The following NEGR1 variants were observed in gnomAD, a reference collection of about 807,000 sequenced individuals.
NEGR1 encodes neuronal growth regulator 1, also known as IgLON family member 4.
NEGR1 carries 10 observed loss-of-function variants against 40.9 expected under a neutral mutation model. The observed-to-expected ratio is 0.24, with a 90% CI of 0.15 to 0.42. NEGR1 has a LOEUF of 0.42. Among genes scored for constraint, NEGR1 ranks in the 10% least tolerant of loss-of-function variants. The probability of loss-of-function intolerance (pLI) is 1.00; values close to 1 mark genes in which losing one functional copy is unlikely to be tolerated. For synonymous variants in NEGR1, 185 were observed against 166.8 expected (o/e 1.11, Z -0.84); for missense variants, 352 against 438.9 (o/e 0.80, Z 1.77).
At chr1:72,205,399 G>T (rs1437877742) in intron 1 of NEGR1, among the ~76,000 whole-genome samples, 1 of 151,610 alleles carries the variant, frequency 6.6e-6, no homozygotes, top group Non-Finnish European at 1.5e-5. Flanking sequence ...TCTAGAGATT[G>T]CCTTGGTAAT....
chr1:71,983,506 A>T (rs1290239226), intron 1 of NEGR1, among the ~76,000 whole-genome samples: 1 of 152,210 alleles, frequency 6.6e-6, no homozygotes, highest in African/African-American at 2.4e-5. Flanking sequence ...TGTAGAGCAA[A>T]GCATAATTCA....
intron 1 of NEGR1, among the ~76,000 whole-genome samples, chr1:71,946,236 A>T (rs1033472821): frequency 1.3e-5 from 2 of 152,012 alleles, no homozygotes; most frequent in South Asian, 4.1e-4. Context: ...GCCTGGCTAA[A>T]TATTTTTATT....
intron 1 of NEGR1, among the ~76,000 whole-genome samples, chr1:72,051,528 A>T (rs1025241254): frequency 6.6e-6 from 1 of 151,520 alleles, no homozygotes; most frequent in Non-Finnish European, 1.5e-5. Flanking sequence ...ATTTTGTTGC[A>T]TCGAAAAAAA....
intron 6 of NEGR1, among the ~76,000 whole-genome samples, chr1:71,566,658 G>A (rs1570040874): frequency 6.6e-6 from 1 of 152,234 alleles, no homozygotes; most frequent in Non-Finnish European, 1.5e-5. Flanking sequence ...AATATTTTTG[G>A]CTATGCAGGC....
Position 71,991,984 on chromosome 1 carries a change from C to G in NEGR1, c.177-56673G>C, listed in dbSNP as rs182369429. 2.6e-3 allele frequency among the ~76,000 whole-genome samples: 402 copies of G among 151,926 alleles called. 1 individual carries two copies. The highest frequency in any genetic ancestry group is 9.2e-3 in the African/African-American group (383 of 41,422). The stretch of plus-strand genomic sequence containing the variant: ...TTTTTTTTTTGTATTTTAGTAGAGA[C>G]GGGTTTCACTGTGTTGCCCAGGCTG... On this transcript the variant is annotated intron_variant, in intron 1 of 6. Transcript: ENST00000357731.
chr1:72,246,374 CTG>C (rs1654904066), intron 1 of NEGR1, among the ~76,000 whole-genome samples: 1 of 152,208 alleles, frequency 6.6e-6, no homozygotes, highest in Admixed American at 6.5e-5. Context: ...CCTCTATGCA[CTG>C]TGCTCTAACA....
chr1:72,130,619 G>A (rs1161425342), intron 1 of NEGR1, among the ~76,000 whole-genome samples: 2 of 152,136 alleles, frequency 1.3e-5, no homozygotes, highest in Non-Finnish European at 2.9e-5. Flanking sequence ...CTTTTAGGGT[G>A]ACTCCAGTCA....
At chr1:71,901,454 TTTACA>T (rs1323382299) in intron 2 of NEGR1, among the ~76,000 whole-genome samples, 1 of 152,058 alleles carries the variant, frequency 6.6e-6, no homozygotes, top group African/African-American at 2.4e-5. Flanking sequence ...ATCTCTAGCT[TTTACA>T]TTACATATAG....
In NEGR1 at chr1:71,613,434, G is replaced by GTCAGGA. The variant is rs1226698904; in HGVS notation, c.668-2294_668-2289dup. Reference sequence around the variant, plus strand: ...GGCCGAGGCGGGTGGATCACCTGAGGTCAGGAGTTCGAGACCAGCCTGGCC... The same window carrying GTCAGGA: ...GGCCGAGGCGGGTGGATCACCTGAGGTCAGGATCAGGAGTTCGAGACCAGCCTGGCC... On this transcript the variant is annotated intron_variant, in intron 4 of 6. Transcript: ENST00000357731. 1.2e-4 allele frequency among the ~76,000 whole-genome samples: 19 copies of GTCAGGA among 152,046 alleles called. 1 individual carries two copies. The South Asian group carries it at 3.7e-3, about 30-fold the overall frequency.
At chr1:71,801,507 A>G (rs995012286) in intron 2 of NEGR1, among the ~76,000 whole-genome samples, 9 of 152,110 alleles carry the variant, frequency 5.9e-5, no homozygotes, top group African/African-American at 2.2e-4. Context: ...TGTTATTTCC[A>G]CTCAAACTAT....
intron 2 of NEGR1, among the ~76,000 whole-genome samples, chr1:71,875,359 T>C (rs1378118913): frequency 6.6e-6 from 1 of 152,172 alleles, no homozygotes; most frequent in Non-Finnish European, 1.5e-5. Flanking sequence ...ACAAATGTCT[T>C]AAACTAAAAC....
At chr1:71,726,320 C>T (rs1375598289) in intron 3 of NEGR1, among the ~76,000 whole-genome samples, 1 of 152,042 alleles carries the variant, frequency 6.6e-6, no homozygotes, top group African/African-American at 2.4e-5. Context: ...CTCTGTGTAT[C>T]GCACAAATAC....
chr1:71,596,063 A>G (rs928025650), intron 5 of NEGR1, among the ~76,000 whole-genome samples: 1 of 136,308 alleles, frequency 7.3e-6, no homozygotes, highest in Admixed American at 7.5e-5. Flanking sequence ...AAAAAAAAAA[A>G]AGAGAAACAA....
intron 3 of NEGR1, among the ~76,000 whole-genome samples, chr1:71,729,412 T>A (rs1232149963): frequency 4.6e-5 from 7 of 152,198 alleles, no homozygotes; most frequent in Non-Finnish European, 8.8e-5. Context: ...ATATAATGTA[T>A]TATTATGCTT....
At chr1:72,028,700 A>G (rs1181827772) in intron 1 of NEGR1, among the ~76,000 whole-genome samples, 1 of 152,190 alleles carries the variant, frequency 6.6e-6, no homozygotes, top group East Asian at 1.9e-4. Context: ...AACCTTCAAG[A>G]TTCTGCTGAA....
chr1:72,025,032 G>A (rs1646794472), intron 1 of NEGR1, among the ~76,000 whole-genome samples: 1 of 152,140 alleles, frequency 6.6e-6, no homozygotes, highest in African/African-American at 2.4e-5. Context: ...CCACTTGGGA[G>A]TTATAGTGAA....
intron 1 of NEGR1, among the ~76,000 whole-genome samples, chr1:72,112,276 A>C (rs1649403580): frequency 1.3e-5 from 2 of 149,640 alleles, no homozygotes; most frequent in African/African-American, 2.5e-5. Flanking sequence ...TAAAAAAAAA[A>C]TCTACCCCTT....
At chr1:71,647,390 G>T (rs1651567259) in intron 4 of NEGR1, among the ~76,000 whole-genome samples, 2 of 151,654 alleles carry the variant, frequency 1.3e-5, no homozygotes, top group South Asian at 4.1e-4. Context: ...GATTTGCATT[G>T]GTCTCATGTC....
intron 5 of NEGR1, among the ~76,000 whole-genome samples, chr1:71,604,476 A>G (rs1650019920): frequency 6.6e-6 from 1 of 152,172 alleles, no homozygotes; most frequent in South Asian, 2.1e-4. Context: ...AAATACTCAC[A>G]TAAAATTTAT....
Sources: gnomAD v4.1 joint callset for allele counts (sites outside exome capture counted in the v4.1 genomes callset) on GRCh38, gnomAD v4.1.1 for gene constraint, MANE v1.5 for transcripts, NCBI Gene and HGNC (gene_info 2026-07-23, HGNC 2026-07-21) for gene names.